Variants in LINGO2 observed in about 807,000 individuals in gnomAD.
LINGO2 encodes the protein leucine-rich repeat and immunoglobulin-like domain-containing nogo receptor-interacting protein 2.
In LINGO2, 14 loss-of-function variants were observed where a neutral mutation model predicts 30.6. The observed-to-expected ratio is 0.46, with a 90% CI of 0.30 to 0.72. The LOEUF (loss-of-function observed/expected upper bound fraction) is 0.72, where lower values mean the gene tolerates loss of function less well. Ranked by LOEUF, LINGO2 falls within the 30% of genes least tolerant of loss-of-function variation. LINGO2 has a pLI of 0.07. For missense variants in LINGO2, 729 were observed against 751.7 expected (o/e 0.97, Z 0.35); for synonymous variants, 317 against 288.5 (o/e 1.10, Z -1.00).
downstream of LINGO2, among the ~76,000 whole-genome samples, chr9:27,944,818 C>T (rs1432553587): frequency 6.6e-6 from 1 of 151,990 alleles, no homozygotes; most frequent in African/African-American, 2.4e-5. Flanking sequence ...GCCACAGAAT[C>T]CATTTGGGAT....
At chr9:28,247,477 T>C (rs559109744) in intron 4 of LINGO2, among the ~76,000 whole-genome samples, 2 of 152,282 alleles carry the variant, frequency 1.3e-5, no homozygotes, top group South Asian at 4.1e-4. Context: ...GAAGTCATCA[T>C]ACTCAGCAAA....
At chr9:28,111,417 A>T (rs1458069879) in intron 4 of LINGO2, among the ~76,000 whole-genome samples, 2 of 152,256 alleles carry the variant, frequency 1.3e-5, no homozygotes, top group East Asian at 1.9e-4. Context: ...AATTAAAAAA[A>T]AAAGGAAAAC....
chr9:28,662,932 A>G (rs967569642), intron 1 of LINGO2, among the ~76,000 whole-genome samples: 2 of 152,178 alleles, frequency 1.3e-5, no homozygotes, highest in African/African-American at 4.8e-5. Context: ...TGCAGCTTTC[A>G]TAGAGGTAAA....
At chr9:28,211,207 G>A (rs150319630) in intron 4 of LINGO2, among the ~76,000 whole-genome samples, 4 of 151,130 alleles carry the variant, frequency 2.6e-5, no homozygotes, top group East Asian at 1.9e-4. Context: ...ATTAATTACC[G>A]TAGCCCATCA....
intron 5 of LINGO2, among the ~76,000 whole-genome samples, chr9:28,003,767 C>G (rs1192880430): frequency 6.6e-6 from 1 of 152,162 alleles, no homozygotes; most frequent in Non-Finnish European, 1.5e-5. Context: ...GGAACTTAAT[C>G]CTTGATTATA....
At chr9:28,871,003 C>A in the LINGO2 span, among the ~76,000 whole-genome samples, 1 of 151,842 alleles carries the variant, frequency 6.6e-6, no homozygotes, top group Non-Finnish European at 1.5e-5. Flanking sequence ...AATGAACACA[C>A]AATTTTATCT....
chr9:29,212,041 A>G, the LINGO2 span, among the ~76,000 whole-genome samples: 1 of 152,168 alleles, frequency 6.6e-6, no homozygotes. Context: ...CTGAGAATTT[A>G]CAGAGAACCA....
intron 1 of LINGO2, among the ~76,000 whole-genome samples, chr9:28,548,761 GA>G (rs1232930934): frequency 8.8e-6 from 1 of 113,656 alleles, no homozygotes; most frequent in Non-Finnish European, 1.9e-5. Flanking sequence ...TAACATAGAA[GA>G]AAAAATGCAA....
chr9:28,827,307 T>C, the LINGO2 span, among the ~76,000 whole-genome samples: 1 of 152,216 alleles, frequency 6.6e-6, no homozygotes, highest in African/African-American at 2.4e-5. Context: ...TTACTCTTCC[T>C]AATACTTAGC....
the LINGO2 span, among the ~76,000 whole-genome samples, chr9:28,873,289 G>A: frequency 6.7e-6 from 1 of 149,624 alleles, no homozygotes; most frequent in African/African-American, 2.5e-5. Flanking sequence ...AGAATCACTT[G>A]AACTGGGGAG....
At chr9:28,452,241 G>A (rs1218306614) in intron 2 of LINGO2, among the ~76,000 whole-genome samples, 1 of 151,194 alleles carries the variant, frequency 6.6e-6, no homozygotes, top group Non-Finnish European at 1.5e-5. Context: ...AAATTTTACT[G>A]AGTGCACAGT....
intron 4 of LINGO2, among the ~76,000 whole-genome samples, chr9:28,025,505 T>C (rs878970585): frequency 1.3e-5 from 2 of 152,208 alleles, no homozygotes; most frequent in Admixed American, 1.3e-4. Context: ...GAGAGGCCTG[T>C]ATTTAATGAA....
intron 4 of LINGO2, among the ~76,000 whole-genome samples, chr9:28,268,222 T>C (rs1822821166): frequency 6.6e-6 from 1 of 152,064 alleles, no homozygotes. Context: ...CGCTGATGAA[T>C]CTGGGTAAAC....
chr9:28,986,377 T>C, the LINGO2 span, among the ~76,000 whole-genome samples: 1 of 152,086 alleles, frequency 6.6e-6, no homozygotes, highest in Non-Finnish European at 1.5e-5. Context: ...GAATTCCAAA[T>C]GAATTTTACA....
intron 1 of LINGO2, among the ~76,000 whole-genome samples, chr9:28,608,016 C>T (rs1346888698): frequency 6.6e-6 from 1 of 151,956 alleles, no homozygotes; most frequent in Non-Finnish European, 1.5e-5. Flanking sequence ...TAATGGTTTG[C>T]ATATGTTTCC....
chr9:27,948,889 C>A, exon 6 of LINGO2: 1 of 1,613,400 alleles, frequency 6.2e-7, no homozygotes, highest in African/African-American at 1.3e-5. Context: ...GGTCCAGCTA[C>A]CTCCCCTTCC....
At chr9:29,106,610 G>A in the LINGO2 span, among the ~76,000 whole-genome samples, 1 of 152,128 alleles carries the variant, frequency 6.6e-6, no homozygotes, top group Admixed American at 6.6e-5. Flanking sequence ...TTTGCTAGCT[G>A]ACTGAATACA....
chr9:28,297,317 T>C (rs1172380223), intron 3 of LINGO2, among the ~76,000 whole-genome samples: 1 of 152,212 alleles, frequency 6.6e-6, no homozygotes, highest in African/African-American at 2.4e-5. Context: ...TATTTTCTTT[T>C]CAGCAGTGAT....
chr9:27,950,612 G>A, exon 6 of LINGO2: 2 of 1,518,510 alleles, frequency 1.3e-6, no homozygotes, highest in South Asian at 2.7e-5. Flanking sequence ...ATCCCATGAA[G>A]ATTAACACCA....
Sources: gnomAD v4.1 joint callset for allele counts (sites outside exome capture counted in the v4.1 genomes callset) on GRCh38, gnomAD v4.1.1 for gene constraint, MANE v1.5 for transcripts, NCBI Gene and HGNC (gene_info 2026-07-23, HGNC 2026-07-21) for gene names.